ZNF521: variants seen among roughly 807,000 people sequenced by gnomAD.
ZNF521 encodes LYST-interacting protein 3.
ZNF521 carries 14 observed loss-of-function variants against 105.5 expected under a neutral mutation model. The observed-to-expected ratio is 0.13, with a 90% CI of 0.09 to 0.21. The LOEUF is 0.21. Ranked by LOEUF, ZNF521 falls within the 10% of genes least tolerant of loss-of-function variation. The pLI is 1.00. For synonymous variants in ZNF521, 635 were observed against 606.0 expected, an observed-to-expected ratio of 1.05 and a Z score of -0.70; for missense variants, 1,233 against 1,629.7, an observed-to-expected ratio of 0.76 and a Z score of 4.19.
intron 5 of ZNF521, among the ~76,000 whole-genome samples, chr18:25,096,096 A>G (rs1309407774): frequency 1.2e-4 from 18 of 152,208 alleles, no homozygotes; most frequent in Non-Finnish European, 1.3e-4. Flanking sequence ...TAAAATAATT[A>G]TTTCCATTTG....
chr18:25,066,557 C>T (rs540147311), intron 7 of ZNF521, among the ~76,000 whole-genome samples: 1 of 152,316 alleles, frequency 6.6e-6, no homozygotes, highest in East Asian at 1.9e-4. Context: ...CATGGGAGCA[C>T]TCAGTGTTTT....
At chr18:25,173,611 G>A (rs1449520391) in intron 5 of ZNF521, among the ~76,000 whole-genome samples, 2 of 152,156 alleles carry the variant, frequency 1.3e-5, no homozygotes, top group African/African-American at 2.4e-5. Context: ...TTTGTATAAA[G>A]TGTTTTAGAT....
chr18:25,219,449 A>G (rs766440139), intron 4 of ZNF521, among the ~76,000 whole-genome samples: 12 of 152,234 alleles, frequency 7.9e-5, no homozygotes, highest in Non-Finnish European at 1.3e-4. Context: ...CTGAGTTTGA[A>G]GTTCAAGGGA....
chr18:25,146,648 A>G (rs1230808782), intron 5 of ZNF521, among the ~76,000 whole-genome samples: 2 of 152,120 alleles, frequency 1.3e-5, no homozygotes, highest in Admixed American at 1.3e-4. Context: ...GTTAATCGTA[A>G]CTATTTCTTT....
At chr18:25,264,539 T>C (rs1909120518) in intron 3 of ZNF521, among the ~76,000 whole-genome samples, 1 of 151,970 alleles carries the variant, frequency 6.6e-6, no homozygotes, top group Non-Finnish European at 1.5e-5. Flanking sequence ...ATTAAACATA[T>C]TATGAGTTTC....
At chr18:25,287,020 G>A (rs1910743258) in intron 3 of ZNF521, among the ~76,000 whole-genome samples, 1 of 152,132 alleles carries the variant, frequency 6.6e-6, no homozygotes, top group Non-Finnish European at 1.5e-5. Flanking sequence ...ATGGACTTTG[G>A]GGACAGGAGA....
chr18:25,237,211 T>C (rs75604077), intron 3 of ZNF521, among the ~76,000 whole-genome samples: 7,062 of 152,286 alleles, frequency 0.046, 274 homozygotes, highest in African/African-American at 0.098. Flanking sequence ...TATCCACAGT[T>C]GACTAAATGT....
chr18:25,140,292 G>A (rs2034822778), intron 5 of ZNF521, among the ~76,000 whole-genome samples: 3 of 152,132 alleles, frequency 2.0e-5, no homozygotes, highest in Admixed American at 2.0e-4. Flanking sequence ...ATGAAGAAAA[G>A]TAACATCTCT....
At chr18:25,351,739 G>A (rs1914787203) in intron 1 of ZNF521, 2 of 153,392 alleles carry the variant, frequency 1.3e-5, no homozygotes, top group Non-Finnish European at 2.9e-5. Flanking sequence ...CCGAGCCGAC[G>A]GCCCCCAGGT....
intron 5 of ZNF521, among the ~76,000 whole-genome samples, chr18:25,097,057 C>A (rs2033866594): frequency 6.6e-6 from 1 of 152,176 alleles, no homozygotes. Context: ...TTCTCCTCTT[C>A]CTTGAGTTAA....
At chr18:25,268,708 C>T (rs184349479) in intron 3 of ZNF521, among the ~76,000 whole-genome samples, 92 of 152,218 alleles carry the variant, frequency 6.0e-4, no homozygotes, top group African/African-American at 2.0e-3. Context: ...GAAATAAAAT[C>T]CTTTACAAAC....
At chr18:25,150,085 G>A (rs2035017653) in intron 5 of ZNF521, among the ~76,000 whole-genome samples, 1 of 152,118 alleles carries the variant, frequency 6.6e-6, no homozygotes, top group Non-Finnish European at 1.5e-5. Flanking sequence ...AACTAAATGA[G>A]TACAGGTTAA....
At chr18:25,107,145 C>T (rs1216684580) in intron 5 of ZNF521, among the ~76,000 whole-genome samples, 3 of 152,184 alleles carry the variant, frequency 2.0e-5, no homozygotes, top group Non-Finnish European at 2.9e-5. Context: ...TCCTTGCCTT[C>T]GTCAAATCAT....
intron 3 of ZNF521, among the ~76,000 whole-genome samples, chr18:25,268,330 G>A (rs1156700739): frequency 1.3e-5 from 2 of 152,026 alleles, no homozygotes; most frequent in East Asian, 3.9e-4. Flanking sequence ...AAAGTGATGG[G>A]GACAATAGAA....
At chr18:25,191,521 T>C (rs2035818077) in intron 5 of ZNF521, among the ~76,000 whole-genome samples, 1 of 152,300 alleles carries the variant, frequency 6.6e-6, no homozygotes, top group East Asian at 1.9e-4. Flanking sequence ...TGGAACACAT[T>C]TGTTTCTTTG....
At chr18:25,167,558 A>G (rs1328787153) in intron 5 of ZNF521, among the ~76,000 whole-genome samples, 1 of 152,064 alleles carries the variant, frequency 6.6e-6, no homozygotes, top group African/African-American at 2.4e-5. Context: ...TATTTTTGAA[A>G]CCTCAAAAAC....
At chr18:25,126,312 T>C (rs534739060) in intron 5 of ZNF521, among the ~76,000 whole-genome samples, 1 of 152,266 alleles carries the variant, frequency 6.6e-6, no homozygotes, top group African/African-American at 2.4e-5. Context: ...AGTCAGGCTA[T>C]TGATATTATG....
intron 3 of ZNF521, among the ~76,000 whole-genome samples, chr18:25,275,166 G>A (rs946706913): frequency 2.0e-5 from 3 of 152,160 alleles, no homozygotes; most frequent in Non-Finnish European, 2.9e-5. Flanking sequence ...TGGGGCCACT[G>A]GATCCTGCTG....
intron 5 of ZNF521, among the ~76,000 whole-genome samples, chr18:25,153,776 T>C (rs1207729504): frequency 6.6e-6 from 1 of 152,228 alleles, no homozygotes; most frequent in South Asian, 2.1e-4. Context: ...TTTTTTTCTT[T>C]TGTCCTATAA....
Sources: gnomAD v4.1 joint callset for allele counts (sites outside exome capture counted in the v4.1 genomes callset) on GRCh38, gnomAD v4.1.1 for gene constraint, MANE v1.5 for transcripts, NCBI Gene and HGNC (gene_info 2026-07-23, HGNC 2026-07-21) for gene names.